The following C22orf15 variants were observed in gnomAD, a reference collection of about 807,000 sequenced individuals.
The protein encoded by C22orf15 is uncharacterized protein C22orf15.
In C22orf15, 21 loss-of-function variants were observed where a neutral mutation model predicts 20.3. The ratio of observed to expected loss-of-function variants is 1.04; its 90% CI spans 0.74 to 1.49. The LOEUF is 1.49. Ranked by LOEUF, C22orf15 falls within the 40% of genes most tolerant of loss-of-function variation. The probability of loss-of-function intolerance (pLI) is 0.00; values close to 1 mark genes in which losing one functional copy is unlikely to be tolerated. For synonymous variants in C22orf15, 78 were observed against 75.4 expected (o/e 1.03, Z -0.18); for missense variants, 170 against 191.1 (o/e 0.89, Z 0.65).
chr22:23,764,225 C>T (rs1392520560), intron 2 of C22orf15, 35 bp from the exon 3 acceptor site: 1 of 1,551,312 alleles, frequency 6.4e-7, no homozygotes, highest in African/African-American at 1.4e-5. Context: ...GGCAGGGGTG[C>T]CAGCCCTGCC....
Position 23,764,422 on chromosome 22 carries a change from C to G in C22orf15, c.250+25C>G, listed in dbSNP as rs756696554. 4 of 1,585,364 alleles carry G rather than the reference C, an allele frequency of 2.5e-6. No homozygotes were observed. The South Asian group carries it at 4.6e-5, about 18-fold the overall frequency. On this transcript the variant is annotated intron_variant, in intron 3 of 5. Transcript: ENST00000402217. ...AGTAAGGTGGCCCAAGGTTCTCTCC[C>G]CTGCAGCTATGGTAGAATGTAAGAG...
At chr22:23,764,027 G>T in intron 1 of C22orf15, 60 bp from the exon 2 acceptor site, 1 of 1,501,584 alleles carries the variant, frequency 6.7e-7, no homozygotes, top group Non-Finnish European at 9.1e-7. Context: ...GAGAGACAGA[G>T]GACCCCGATT....
rs1279645170 is a variant in C22orf15 at position 23,764,104 on chromosome 22, G to A, written c.43G>A (p.Val15Met). The A allele has an allele frequency of 1.9e-6, 3 of 1,550,862 alleles. No individual in the cohort carries two copies. Among genetic ancestry groups the A allele is most frequent in the Non-Finnish European group, 2.6e-6 (3 of 1,146,994 alleles). The part of the protein sequence containing the change: ...VMFGAGCSVL[V>M]NTSCRLVNLT... ...CTCCACAGCTGGCTGCTCGGTGCTG[G>A]TGAACACCTCTTGCAGGCTGGTGAA... Residue 15 changes from valine to methionine, a missense_variant, in exon 2 of 6, where the codon GTG (valine) becomes ATG (methionine). Val to Met is a conservative substitution (Grantham distance 21). Transcript: ENST00000402217.
At chr22:23,764,596 T>A (rs1321866204) in intron 3 of C22orf15, 43 bp from the exon 4 acceptor site, 3 of 1,603,732 alleles carry the variant, frequency 1.9e-6, no homozygotes, top group Non-Finnish European at 2.6e-6. Flanking sequence ...TAGGGACCAT[T>A]AGGCCAGTCA....
At chr22:23,765,388 C>CA in intron 5 of C22orf15, 1 of 1,550,960 alleles carries the variant, frequency 6.4e-7, no homozygotes, top group Non-Finnish European at 8.7e-7. Context: ...TGCAAACAGA[C>CA]AACAACCCAG....
rs766665749 is a variant in C22orf15 at position 23,764,384 on chromosome 22, C to T, written c.237C>T (p.Leu79=). ...TGAAGGAGCGAGCCATATATGTCCT[C>T]GTTCGGATCATCAGTAAGGTGGCCC... ...SLLKERAIYV[L]VRIIKGEDMA... is the part of the protein sequence containing the mutation. Residue 79 remains leucine, a synonymous_variant, in exon 3 of 6, where the codon CTC becomes CTT. Coordinates refer to ENST00000402217, the MANE Select transcript of C22orf15 (RefSeq NM_182520.3). 1.5e-5 allele frequency: 24 copies of T among 1,555,700 alleles called. No individual in the cohort carries two copies. The highest frequency in any genetic ancestry group is 1.7e-4 in the Middle Eastern group (1 of 6,022).
intron 1 of C22orf15, among the ~76,000 whole-genome samples, chr22:23,763,746 G>C (rs1926107431): frequency 6.6e-6 from 1 of 152,208 alleles, no homozygotes; most frequent in Non-Finnish European, 1.5e-5. Context: ...GGGAAGAGAG[G>C]AGCCGGTGGG....
intron 1 of C22orf15, 60 bp from the exon 2 acceptor site, chr22:23,764,027 G>A (rs991873943): frequency 6.7e-7 from 1 of 1,501,584 alleles, no homozygotes. Flanking sequence ...GAGAGACAGA[G>A]GACCCCGATT....
At chr22:23,763,434 A>C (rs1479235655) in intron 1 of C22orf15, 103 bp downstream of exon 1, 202 of 800,908 alleles carry the variant, frequency 2.5e-4, no homozygotes, top group Middle Eastern at 8.9e-4. Flanking sequence ...ATGGCGGGAA[A>C]GGGGGGTGGT....
At position 23,765,624 on chromosome 22, in the gene C22orf15, C is replaced by T. The variant is rs1056310968; in HGVS notation, c.436-97C>T. 1.7e-5 allele frequency: 25 copies of T among 1,510,732 alleles called. No individual in the cohort carries two copies. The Middle Eastern group carries it at 8.1e-4, about 49-fold the overall frequency. 93.6% of individuals were successfully genotyped at this position (1,510,732 alleles called of 1,614,324 possible). ...CAGAGTCAGATGCCCTTGGGATCAC[C>T]GACTAATGCCTCTCCACCTCACTCT... On this transcript the variant is annotated intron_variant, in intron 5 of 5. Transcript: ENST00000402217.
Position 23,764,172 on chromosome 22 carries a change from T to A in C22orf15, c.111T>A (p.Asp37Glu). Residue 37 changes from aspartate (D) to glutamate (E), a missense_variant and splice_region_variant, in exon 2 of 6, where the codon GAT becomes GAA. Transcript: ENST00000402217. ...HLRQKAGLPP[D>E]ATIALLAEDG... ...GGCAGAAAGCAGGGTTGCCCCCAGATGGTGAGGAGACAGGGAGGAGAAGGA... is the reference window on the plus strand; with the variant it reads ...GGCAGAAAGCAGGGTTGCCCCCAGAAGGTGAGGAGACAGGGAGGAGAAGGA... 1.3e-6 allele frequency: 2 copies of A among 1,551,596 alleles called. No homozygotes were observed. The highest frequency in any genetic ancestry group is 1.7e-6 in the Non-Finnish European group (2 of 1,146,968).
chr22:23,764,030 C>T, intron 1 of C22orf15, 57 bp from the exon 2 acceptor site: 1 of 1,511,664 alleles, frequency 6.6e-7, no homozygotes, highest in Non-Finnish European at 9.0e-7. Flanking sequence ...AGACAGAGGA[C>T]CCCGATTTGG....
At chr22:23,764,034 G>A (rs1021591639) in intron 1 of C22orf15, 53 bp from the exon 2 acceptor site, 3 of 1,525,440 alleles carry the variant, frequency 2.0e-6, no homozygotes, top group Non-Finnish European at 2.7e-6. Flanking sequence ...AGAGGACCCC[G>A]ATTTGGAGGA....
rs898181130 is a variant in C22orf15, at chr22:23,765,659, A to T, written c.436-62A>T. The T allele has an allele frequency of 6.6e-6, 10 of 1,523,892 alleles. No homozygotes were observed. The African/African-American group carries it at 1.4e-4, about 21-fold the overall frequency. The allele number at this position is 1,523,892 out of a possible 1,614,324, so 94.4% of individuals were successfully genotyped here. ...CTCTCCACCTCACTCTGGACTGCCC[A>T]AGGAATCTGTCCTGTGCTACCCACA... On this transcript the variant is annotated intron_variant, in intron 5 of 5. Transcript: ENST00000402217.
At chr22:23,764,487 G>A (rs140181) in intron 3 of C22orf15, 90 bp downstream of exon 3, 1,264,845 of 1,590,686 alleles carry the variant, frequency 0.8, 506,023 homozygotes, top group African/African-American at 0.83. Flanking sequence ...GGCCCTGTCC[G>A]GCCTCCCACC....
At chr22:23,764,764 C>A in intron 4 of C22orf15, 29 bp from the exon 5 acceptor site, 1 of 1,614,134 alleles carries the variant, frequency 6.2e-7, no homozygotes, top group Admixed American at 1.7e-5. Context: ...TCCCTAACCC[C>A]TACCAACAGG....
chr22:23,764,937 G>A lies in C22orf15; in HGVS notation c.435+35G>A, dbSNP rs767404030. Reference sequence around the variant, plus strand: ...CTGCCACCCAGGAGTTGCTAGCTGGGGCAGGGAGCCAGGTACAGAGCAGAT... The same window carrying A: ...CTGCCACCCAGGAGTTGCTAGCTGGAGCAGGGAGCCAGGTACAGAGCAGAT... On this transcript the variant is annotated intron_variant, in intron 5 of 5. Transcript: ENST00000402217. 1.9e-5 allele frequency: 30 copies of A among 1,588,790 alleles called. No homozygotes were observed. In the South Asian group the frequency reaches 3.1e-4, roughly 16 times the overall value.
chr22:23,765,563 G>T (rs1263906528), intron 5 of C22orf15, 158 bp from the exon 6 acceptor site: 3 of 1,532,234 alleles, frequency 2.0e-6, no homozygotes, highest in Admixed American at 4.0e-5. Flanking sequence ...TCCCTGATAA[G>T]GGGGAGACCA....
In C22orf15 at chr22:23,764,070, T is replaced by C. The variant is rs1293328350; in HGVS notation, c.26-17T>C. 6.5e-7 allele frequency: 1 copy of C among 1,549,658 alleles called. No individual in the cohort carries two copies. The highest frequency in any genetic ancestry group is 8.7e-7 in the Non-Finnish European group (1 of 1,146,676). On this transcript the variant is annotated splice_polypyrimidine_tract_variant and intron_variant, in intron 1 of 5. Coordinates refer to ENST00000402217, the MANE Select transcript of C22orf15 (RefSeq NM_182520.3). ...AGGTAAGAGATCTCACAGGCTCACC[T>C]TTGCCCCTCTCCACAGCTGGCTGCT... is the stretch of plus-strand genomic sequence containing the variant.
Sources: allele counts gnomAD v4.1 joint callset (sites outside exome capture counted in the v4.1 genomes callset), GRCh38; gene constraint gnomAD v4.1.1; transcripts MANE v1.5; gene names NCBI Gene and HGNC (gene_info 2026-07-23, HGNC 2026-07-21).